The following NFATC2 variants were observed in gnomAD, a reference collection of about 807,000 sequenced individuals.
The protein encoded by NFATC2 is nuclear factor of activated T cells 2.
A neutral mutation model predicts 87.3 loss-of-function variants in NFATC2; 22 were observed. That is an observed-to-expected ratio of 0.25 (90% confidence interval 0.18 to 0.36). The LOEUF is 0.36. Ranked by LOEUF, NFATC2 falls within the 10% of genes least tolerant of loss-of-function variation. NFATC2 has a pLI of 1.00. For synonymous variants in NFATC2, 565 were observed against 542.2 expected, an observed-to-expected ratio of 1.04 and a Z score of -0.58; for missense variants, 1,149 against 1,259.1, an observed-to-expected ratio of 0.91 and a Z score of 1.32.
At chr20:51,546,486 G>A (rs1188606454), upstream of NFATC2, among the ~76,000 whole-genome samples, 1 of 152,196 alleles carries the variant, frequency 6.6e-6, no homozygotes, top group Non-Finnish European at 1.5e-5. Flanking sequence ...AGGGATGGAG[G>A]TGGGATGGTG....
intron 6 of NFATC2, among the ~76,000 whole-genome samples, chr20:51,453,554 C>T (rs1986058329): frequency 6.6e-6 from 1 of 152,198 alleles, no homozygotes; most frequent in Admixed American, 6.5e-5. Context: ...TTCCTTCTAA[C>T]AACACATTTG....
chr20:51,511,612 G>A (rs945768070), intron 3 of NFATC2, among the ~76,000 whole-genome samples: 19 of 151,998 alleles, frequency 1.3e-4, no homozygotes, highest in Non-Finnish European at 2.5e-4. Context: ...CCATCCAACC[G>A]AACCATCCAC....
intron 3 of NFATC2, among the ~76,000 whole-genome samples, chr20:51,489,139 A>C (rs995616515): frequency 6.6e-6 from 1 of 152,210 alleles, no homozygotes; most frequent in Admixed American, 6.5e-5. Flanking sequence ...GCAGTGAGCC[A>C]AGATCGTGCC....
rs1985951043 is a variant in NFATC2 at position 51,388,053 on chromosome 20, C to A, written c.*3443G>T. 1 of 152,036 alleles carries A rather than the reference C, an allele frequency of 6.6e-6. No individual in the cohort carries two copies. The highest frequency in any genetic ancestry group is 6.5e-5 in the Admixed American group (1 of 15,268). 9.4% of individuals were successfully genotyped at this position (152,036 alleles called of 1,614,324 possible). The stretch of plus-strand genomic sequence containing the variant: ...TCCCAGTTCTTTGAAGGAATCAATT[C>A]ATCCTTGGTTATATCTATGCTGGAA... On this transcript the variant is annotated 3_prime_UTR_variant, in exon 11 of 11. Transcript: ENST00000371564.
At chr20:51,398,614 C>T in intron 10 of NFATC2, 29 bp downstream of exon 10, 1 of 1,502,826 alleles carries the variant, frequency 6.7e-7, no homozygotes, top group Non-Finnish European at 9.0e-7. Flanking sequence ...AGCTGGAAAA[C>T]AAAAGGAGAA....
intron 3 of NFATC2, among the ~76,000 whole-genome samples, chr20:51,515,095 G>C (rs767859649): frequency 2.0e-5 from 3 of 152,188 alleles, no homozygotes; most frequent in African/African-American, 4.8e-5. Flanking sequence ...CTGGATTCCT[G>C]GCACCGCTCA....
intron 1 of NFATC2, among the ~76,000 whole-genome samples, chr20:51,552,732 T>C (rs1026114816): frequency 1.3e-5 from 2 of 152,174 alleles, no homozygotes; most frequent in Non-Finnish European, 2.9e-5. Flanking sequence ...CTGCAGGAGC[T>C]CCACCAAGTC....
chr20:51,476,027 C>T (rs760738684), intron 3 of NFATC2, among the ~76,000 whole-genome samples: 1 of 151,100 alleles, frequency 6.6e-6, no homozygotes, highest in Non-Finnish European at 1.5e-5. Context: ...AAACATAGAG[C>T]TCTTGATAGT....
chr20:51,418,732 G>A (rs531952837), intron 9 of NFATC2, among the ~76,000 whole-genome samples: 36 of 148,140 alleles, frequency 2.4e-4, no homozygotes, highest in Admixed American at 1.2e-3. Flanking sequence ...GTACGATTGC[G>A]TCTCACTGCA....
chr20:51,442,666 CTTTAA>C (rs1984510522), intron 6 of NFATC2, among the ~76,000 whole-genome samples: 1 of 150,084 alleles, frequency 6.7e-6, no homozygotes, highest in Admixed American at 6.6e-5. Context: ...ATCACAGTGA[CTTTAA>C]TTTGTTTATA....
At chr20:51,472,359 A>T (rs1443216777) in intron 5 of NFATC2, among the ~76,000 whole-genome samples, 2 of 152,168 alleles carry the variant, frequency 1.3e-5, no homozygotes, top group East Asian at 3.9e-4. Context: ...TTAGATAGTG[A>T]ATGTCCCCAA....
intron 1 of NFATC2, among the ~76,000 whole-genome samples, chr20:51,547,766 C>G (rs2076901286): frequency 6.6e-6 from 1 of 152,160 alleles, no homozygotes; most frequent in African/African-American, 2.4e-5. Context: ...GTTCTTGAGT[C>G]CTCGCCTTTT....
intron 1 of NFATC2, among the ~76,000 whole-genome samples, chr20:51,532,410 AT>A (rs2076648336): frequency 6.6e-6 from 1 of 152,062 alleles, no homozygotes; most frequent in Non-Finnish European, 1.5e-5. Context: ...GGAAGCAAGG[AT>A]CCCCCCCGGA....
At chr20:51,446,837 A>C (rs1470321060) in intron 6 of NFATC2, among the ~76,000 whole-genome samples, 2 of 152,208 alleles carry the variant, frequency 1.3e-5, no homozygotes, top group East Asian at 3.9e-4. Flanking sequence ...GGCCACTGAC[A>C]CCAGGGACAT....
At chr20:51,513,083 A>G (rs1338157236) in intron 3 of NFATC2, among the ~76,000 whole-genome samples, 1 of 152,234 alleles carries the variant, frequency 6.6e-6, no homozygotes, top group Admixed American at 6.5e-5. Flanking sequence ...TTATTTTGAA[A>G]AAACATAATC....
At position 51,390,890 on chromosome 20, in the gene NFATC2, T is replaced by G; in HGVS notation, c.*606A>C. 4.9e-6 allele frequency: 1 copy of G among 205,044 alleles called. No individual in the cohort carries two copies. Among genetic ancestry groups the G allele is most frequent in the East Asian group, 1.1e-4 (1 of 8,780 alleles). 12.7% of individuals were successfully genotyped at this position (205,044 alleles called of 1,614,324 possible). A position where few individuals can be genotyped will look rare whatever the true frequency, so the allele number is the denominator to read the frequency against. ...TTCAGTTTCTGTCTCTATCGAGGGT[T>G]TTGGGTTTCTTCAGCCTGTAAGCTG... On this transcript the variant is annotated 3_prime_UTR_variant, in exon 11 of 11. Transcript: ENST00000371564.
At chr20:51,555,501 G>A (rs901752542) in intron 1 of NFATC2, among the ~76,000 whole-genome samples, 1 of 151,860 alleles carries the variant, frequency 6.6e-6, no homozygotes, top group African/African-American at 2.4e-5. Flanking sequence ...GCTGAAGCAG[G>A]AAAATGGCGT....
chr20:51,423,180 C>G (rs1022659136), intron 9 of NFATC2, among the ~76,000 whole-genome samples: 1 of 146,510 alleles, frequency 6.8e-6, no homozygotes, highest in African/African-American at 2.5e-5. Context: ...GTCCCAGCTA[C>G]TGAGAAGACT....
At position 51,480,150 on chromosome 20, in the gene NFATC2, T is replaced by C. The variant is rs3787199; in HGVS notation, c.1333-4490A>G. On this transcript the variant is annotated intron_variant, in intron 3 of 10. Coordinates refer to ENST00000371564, the MANE Select transcript of NFATC2 (RefSeq NM_012340.5). The surrounding 1 kb of genome is among the most constrained non-coding windows in gnomAD (Gnocchi z 4.2). ...GAAAAATACAAAAATTAGCCAGGTATGGTGGCACGTGCCTGTAATCCCAGC... is the reference window on the plus strand; with the variant it reads ...GAAAAATACAAAAATTAGCCAGGTACGGTGGCACGTGCCTGTAATCCCAGC... 0.34 allele frequency among the ~76,000 whole-genome samples: 51,594 copies of C among 151,564 alleles called. 10,794 individuals carry two copies. The highest frequency in any genetic ancestry group is 0.6 in the African/African-American group (24,769 of 41,236).
Sources: gnomAD v4.1 joint callset for allele counts (sites outside exome capture counted in the v4.1 genomes callset) on GRCh38, gnomAD v4.1.1 for gene constraint, Gnocchi (gnomAD v3.1) non-coding constraint, MANE v1.5 for transcripts, NCBI Gene and HGNC (gene_info 2026-07-23, HGNC 2026-07-21) for gene names.